PLCB4: variants seen among roughly 807,000 people sequenced by gnomAD.
The protein encoded by PLCB4 is 1-phosphatidylinositol 4,5-bisphosphate phosphodiesterase beta-4.
A neutral mutation model predicts 178.8 loss-of-function variants in PLCB4; 77 were observed. That is an observed-to-expected ratio of 0.43 (90% CI 0.36 to 0.52). The LOEUF (loss-of-function observed/expected upper bound fraction) is 0.52. PLCB4 is among the 20% of genes least tolerant of loss of function. The pLI, the probability that PLCB4 is intolerant of heterozygous loss-of-function variation, is 0.00. For synonymous variants in PLCB4, 496 were observed against 490.8 expected (o/e 1.01, Z -0.14); for missense variants, 1,024 against 1,453.4 (o/e 0.70, Z 4.80).
At chr20:9,078,346 TTCTTTTCTTC>T (rs2089978146) in intron 1 of PLCB4, among the ~76,000 whole-genome samples, 1 of 57,228 alleles carries the variant, frequency 1.7e-5, no homozygotes, top group African/African-American at 1.0e-4. Flanking sequence ...ATACCTTCTT[TTCTTTTCTTC>T]TCTTTTCTTT....
chr20:9,474,251 G>A (rs1344388998), intron 38 of PLCB4, among the ~76,000 whole-genome samples: 4 of 151,340 alleles, frequency 2.6e-5, no homozygotes, highest in Admixed American at 2.6e-4. Context: ...AACACCAACT[G>A]TTTAGTTAGG....
At chr20:9,453,937 C>G (rs903700277) in intron 33 of PLCB4, among the ~76,000 whole-genome samples, 2 of 152,164 alleles carry the variant, frequency 1.3e-5, no homozygotes, top group African/African-American at 4.8e-5. Flanking sequence ...GACAGTGGTG[C>G]AATACCATTA....
At chr20:9,444,148 C>A (rs1445168780) in intron 31 of PLCB4, 30 bp from the exon 32 acceptor site, 1 of 1,537,020 alleles carries the variant, frequency 6.5e-7, no homozygotes. Context: ...AAACAAAAAA[C>A]CTATTTTTGA....
intron 28 of PLCB4, among the ~76,000 whole-genome samples, chr20:9,431,927 TA>T (rs1305934482): frequency 6.6e-6 from 1 of 152,206 alleles, no homozygotes; most frequent in Non-Finnish European, 1.5e-5. Flanking sequence ...TATAAAGTGC[TA>T]TATTATTTAA....
chr20:9,247,433 A>G (rs2094137203), intron 3 of PLCB4, among the ~76,000 whole-genome samples: 1 of 152,190 alleles, frequency 6.6e-6, no homozygotes, highest in East Asian at 1.9e-4. Context: ...CACCTAAGAT[A>G]TTGTAGACAT....
At chr20:9,443,118 A>AG (rs2042210647) in intron 30 of PLCB4, among the ~76,000 whole-genome samples, 2 of 152,120 alleles carry the variant, frequency 1.3e-5, no homozygotes, top group Non-Finnish European at 2.9e-5. Flanking sequence ...AGGATGACTT[A>AG]GTGTATTACC....
At chr20:9,418,928 T>C (rs918267939) in intron 25 of PLCB4, among the ~76,000 whole-genome samples, 2 of 152,192 alleles carry the variant, frequency 1.3e-5, no homozygotes, top group African/African-American at 4.8e-5. Flanking sequence ...TTGCTGTTGT[T>C]ATAGAATTGT....
chr20:9,347,946 C>T (rs181545424), intron 7 of PLCB4, among the ~76,000 whole-genome samples: 3 of 152,252 alleles, frequency 2.0e-5, no homozygotes, highest in African/African-American at 4.8e-5. Flanking sequence ...TGCACTCCAG[C>T]GTGGCAACAG....
chr20:9,128,179 TTAAA>T (rs1416518745), intron 2 of PLCB4, among the ~76,000 whole-genome samples: 5 of 152,058 alleles, frequency 3.3e-5, no homozygotes, highest in Non-Finnish European at 5.9e-5. Flanking sequence ...ATCCGGTTGT[TTAAA>T]AGAGTGTGGT....
rs192791230 is a variant in PLCB4 at position 9,111,809 on chromosome 20, A to G, written c.-79+15467A>G. ...GAATGGCCTGCTCCAAGTAACTCTC[A>G]TAAAACATAGGGATTTTCTTCCATA... On this transcript the variant is annotated intron_variant, in intron 2 of 39. Coordinates refer to ENST00000378473, the MANE Select transcript of PLCB4 (RefSeq NM_001377142.1). 7.0e-4 allele frequency among the ~76,000 whole-genome samples: 106 copies of G among 152,360 alleles called. No individual in the cohort carries two copies. The Middle Eastern group carries it at 0.01, about 15-fold the overall frequency.
At chr20:9,177,395 G>A (rs1462632437) in intron 2 of PLCB4, among the ~76,000 whole-genome samples, 2 of 152,068 alleles carry the variant, frequency 1.3e-5, no homozygotes, top group Admixed American at 6.6e-5. Flanking sequence ...AATTTGTGTC[G>A]AATACCAAGC....
chr20:9,281,073 G>A (rs2094491280), intron 3 of PLCB4, among the ~76,000 whole-genome samples: 1 of 151,798 alleles, frequency 6.6e-6, no homozygotes, highest in Non-Finnish European at 1.5e-5. Flanking sequence ...CTTTTTCAAA[G>A]AATCGTTCTA....
chr20:9,266,485 C>T (rs548781294), intron 3 of PLCB4, among the ~76,000 whole-genome samples: 4 of 152,094 alleles, frequency 2.6e-5, no homozygotes, highest in South Asian at 2.1e-4. Context: ...AAATTTTTGG[C>T]CCTGTAAGTT....
chr20:9,215,016 C>T (rs1037509790), intron 2 of PLCB4, among the ~76,000 whole-genome samples: 7 of 152,094 alleles, frequency 4.6e-5, no homozygotes, highest in African/African-American at 9.7e-5. Context: ...TTTCTCAAAA[C>T]GAGGAGCATG....
At chr20:9,425,314 A>C (rs2040924104) in intron 28 of PLCB4, among the ~76,000 whole-genome samples, 1 of 152,256 alleles carries the variant, frequency 6.6e-6, no homozygotes, top group Non-Finnish European at 1.5e-5. Flanking sequence ...GGAACTGTGG[A>C]ATACCTCATA....
intron 2 of PLCB4, among the ~76,000 whole-genome samples, chr20:9,192,874 A>G (rs1470346387): frequency 6.6e-6 from 1 of 152,132 alleles, no homozygotes; most frequent in Non-Finnish European, 1.5e-5. Context: ...TTTATATGCT[A>G]TAGCTCAGGT....
At chr20:9,248,994 A>T (rs2094152773) in intron 3 of PLCB4, among the ~76,000 whole-genome samples, 1 of 152,178 alleles carries the variant, frequency 6.6e-6, no homozygotes, top group South Asian at 2.1e-4. Flanking sequence ...AGCTTCTAGC[A>T]GTTGCCTGCT....
chr20:9,423,850 T>G lies in PLCB4; in HGVS notation c.2422T>G (p.Tyr808Asp). ...ILPLDGLQAG[Y>D]RHISLRNEGN... ...CCCGCTTGATGGCCTCCAAGCCGGATATCGACACATTTCCCTTCGAAATGA... is the reference window on the plus strand; with the variant it reads ...CCCGCTTGATGGCCTCCAAGCCGGAGATCGACACATTTCCCTTCGAAATGA... Residue 808 changes from tyrosine to aspartate, a missense_variant, in exon 28 of 40, where the codon TAT becomes GAT. By Grantham distance (160) the Tyr-to-Asp change is radical. Transcript: ENST00000378473. The G allele has an allele frequency of 6.2e-7, 1 of 1,613,640 alleles. No homozygotes were observed. Among genetic ancestry groups the G allele is most frequent in the Non-Finnish European group, 8.5e-7 (1 of 1,179,562 alleles).
At chr20:9,396,507 A>G (rs1454240994) in intron 19 of PLCB4, among the ~76,000 whole-genome samples, 2 of 152,258 alleles carry the variant, frequency 1.3e-5, no homozygotes, top group African/African-American at 4.8e-5. Flanking sequence ...CTTTGATCAC[A>G]TAGCAACAAT....
Sources: allele counts gnomAD v4.1 joint callset (sites outside exome capture counted in the v4.1 genomes callset), GRCh38; gene constraint gnomAD v4.1.1; transcripts MANE v1.5; gene names NCBI Gene and HGNC (gene_info 2026-07-23, HGNC 2026-07-21).